The following ITGA11 variants were observed in gnomAD, a reference collection of about 807,000 sequenced individuals.
ITGA11 encodes the protein integrin alpha-11.
ITGA11 carries 97 observed loss-of-function variants against 141.9 expected under a neutral mutation model. The ratio of observed to expected loss-of-function variants is 0.68; its 90% CI spans 0.58 to 0.81. The LOEUF is 0.81. Ranked by LOEUF, ITGA11 falls within the 30% of genes least tolerant of loss-of-function variation. ITGA11 has a pLI of 0.00. For missense variants in ITGA11, 1,387 were observed against 1,559.2 expected, an observed-to-expected ratio of 0.89 and a Z score of 1.86; for synonymous variants, 658 against 624.6, an observed-to-expected ratio of 1.05 and a Z score of -0.80.
Position 68,335,324 on chromosome 15 carries a change from G to A in ITGA11, c.1425+373C>T, listed in dbSNP as rs1894313070. On this transcript the variant is annotated intron_variant, in intron 12 of 29. Coordinates refer to ENST00000315757, the MANE Select transcript of ITGA11 (RefSeq NM_001004439.2). The surrounding 1 kb of genome is among the most constrained non-coding windows in gnomAD (Gnocchi z 4.9). The stretch of plus-strand genomic sequence containing the variant: ...CCTGTGCTGGAAGTGACTTGGGATT[G>A]GAGCCCTGTTTTCACCACCAATGAC... Among the ~76,000 whole-genome samples, 2 of 152,198 alleles carry A rather than the reference G, an allele frequency of 1.3e-5. No individual in the cohort carries two copies. Among genetic ancestry groups the A allele is most frequent in the African/African-American group, 4.8e-5 (2 of 41,444 alleles).
At chr15:68,364,526 A>G (rs2306013) in intron 4 of ITGA11, among the ~76,000 whole-genome samples, 181 bp downstream of exon 4, 141,051 of 152,302 alleles carry the variant, frequency 0.93, 65,778 homozygotes, top group East Asian at 0.98. Flanking sequence ...CCGGAATGGC[A>G]TAAGCAGGGA....
intron 3 of ITGA11, among the ~76,000 whole-genome samples, chr15:68,366,374 T>C (rs1160977031): frequency 6.6e-6 from 1 of 151,936 alleles, no homozygotes; most frequent in Non-Finnish European, 1.5e-5. Flanking sequence ...AAGAGCAAGA[T>C]CTTTAGCCCA....
chr15:68,363,459 C>G (rs1466022252), intron 4 of ITGA11, among the ~76,000 whole-genome samples: 1 of 152,182 alleles, frequency 6.6e-6, no homozygotes, highest in African/African-American at 2.4e-5. Flanking sequence ...GAATATACAT[C>G]AAGGCACCTC....
At chr15:68,355,963 A>C (rs1037056132) in intron 7 of ITGA11, among the ~76,000 whole-genome samples, 2 of 152,210 alleles carry the variant, frequency 1.3e-5, no homozygotes, top group Admixed American at 6.5e-5. Context: ...TTGCCTTTAA[A>C]ACTGGCTAAT....
rs994703039 is a variant in ITGA11, at chr15:68,307,867, G to A, written c.3175-171C>T. ...GCATTGCGTCTGCCAGGGGATGACT[G>A]AAGGACAAATGAAGGATGGTATATC... On this transcript the variant is annotated intron_variant, in intron 26 of 29. Transcript: ENST00000315757. The surrounding 1 kb of genome is among the most constrained non-coding windows in gnomAD (Gnocchi z 6.1). Among the ~76,000 whole-genome samples the A allele has an allele frequency of 1.3e-4, 20 of 152,196 alleles. No homozygotes were observed. Among genetic ancestry groups the A allele is most frequent in the African/African-American group, 4.6e-4 (19 of 41,440 alleles).
chr15:68,412,241 G>T (rs567554592), intron 1 of ITGA11, among the ~76,000 whole-genome samples: 1 of 152,248 alleles, frequency 6.6e-6, no homozygotes, highest in East Asian at 1.9e-4. Flanking sequence ...AGGAGCTGGG[G>T]ATCTCTGGGG....
chr15:68,358,563 G>C lies in ITGA11; in HGVS notation c.495C>G (p.Ile165Met), dbSNP rs770568289. 3 of 1,613,618 alleles carry C rather than the reference G, an allele frequency of 1.9e-6. No homozygotes were observed. The Admixed American group carries it at 5.0e-5, about 27-fold the overall frequency. ...TGTTGGAGCCATCCAGGACAATGAC[G>C]ATGTCCATGTAGGTCTGGCACCCTG... Reference protein sequence around the residue: ...ALQRCQTYMDIVIVLDGSNSI... With the variant: ...ALQRCQTYMDMVIVLDGSNSI... Residue 165 changes from isoleucine to methionine, a missense_variant, in exon 6 of 30, where the codon ATC (isoleucine) becomes ATG (methionine). Transcript: ENST00000315757.
At chr15:68,373,786 G>C (rs529487764) in intron 2 of ITGA11, among the ~76,000 whole-genome samples, 1 of 152,298 alleles carries the variant, frequency 6.6e-6, no homozygotes, top group Non-Finnish European at 1.5e-5. Flanking sequence ...GCCTGGAACT[G>C]TTGGCAGCCA....
At chr15:68,359,773 T>C (rs1483867226) in intron 5 of ITGA11, among the ~76,000 whole-genome samples, 1 of 152,208 alleles carries the variant, frequency 6.6e-6, no homozygotes, top group Non-Finnish European at 1.5e-5. Flanking sequence ...TCTTTTAAAA[T>C]CTAAGTAATT....
chr15:68,378,381 A>C (rs944262296), intron 2 of ITGA11, among the ~76,000 whole-genome samples: 1 of 152,216 alleles, frequency 6.6e-6, no homozygotes, highest in Non-Finnish European at 1.5e-5. Context: ...ATGGTGGCAC[A>C]TGTCTATAAT....
At chr15:68,419,435 A>T (rs1448787644) in intron 1 of ITGA11, among the ~76,000 whole-genome samples, 2 of 152,148 alleles carry the variant, frequency 1.3e-5, no homozygotes, top group East Asian at 3.9e-4. Context: ...AGGCTCTGTT[A>T]AGGGCCCTCC....
At chr15:68,388,121 T>G (rs929327242) in intron 2 of ITGA11, among the ~76,000 whole-genome samples, 5 of 152,276 alleles carry the variant, frequency 3.3e-5, no homozygotes, top group African/African-American at 1.2e-4. Flanking sequence ...GGATTTTGCT[T>G]TTGTGTAAAG....
At chr15:68,413,561 A>G (rs1051959520) in intron 1 of ITGA11, among the ~76,000 whole-genome samples, 3 of 152,180 alleles carry the variant, frequency 2.0e-5, no homozygotes, top group African/African-American at 7.2e-5. Flanking sequence ...GGGTGATCTG[A>G]GTTCTAATCT....
At position 68,339,301 on chromosome 15, in the gene ITGA11, G is replaced by A. The variant is rs141581743; in HGVS notation, c.1276+199C>T. Reference sequence around the variant, plus strand: ...CCTATTTATGGAGAGCCTGTTATACGCTGGGCATGGTGCTGGGCGCGGTGG... The same window carrying A: ...CCTATTTATGGAGAGCCTGTTATACACTGGGCATGGTGCTGGGCGCGGTGG... On this transcript the variant is annotated intron_variant, in intron 11 of 29. Coordinates refer to ENST00000315757, the MANE Select transcript of ITGA11 (RefSeq NM_001004439.2). Among the ~76,000 whole-genome samples the A allele has an allele frequency of 5.4e-3, 828 of 152,078 alleles. 3 individuals carry two copies. Among genetic ancestry groups the A allele is most frequent in the Non-Finnish European group, 9.0e-3 (612 of 68,034 alleles).
intron 1 of ITGA11, among the ~76,000 whole-genome samples, chr15:68,419,320 G>A (rs905692224): frequency 6.6e-6 from 1 of 152,194 alleles, no homozygotes; most frequent in Non-Finnish European, 1.5e-5. Flanking sequence ...AAGGGCTCAT[G>A]ACTCCATCTG....
intron 10 of ITGA11, among the ~76,000 whole-genome samples, chr15:68,342,454 G>A (rs566786851): frequency 2.9e-4 from 44 of 152,320 alleles, no homozygotes; most frequent in Middle Eastern, 3.4e-3. Context: ...CTGAGGCCAC[G>A]CTGTGCCTTC....
intron 1 of ITGA11, among the ~76,000 whole-genome samples, chr15:68,413,067 T>C (rs140678126): frequency 7.2e-5 from 11 of 152,312 alleles, no homozygotes; most frequent in African/African-American, 2.4e-4. Context: ...AATCTCACAT[T>C]TTTTGAACAA....
chr15:68,393,434 T>G (rs968477913), intron 2 of ITGA11, among the ~76,000 whole-genome samples: 1 of 152,078 alleles, frequency 6.6e-6, no homozygotes, highest in African/African-American at 2.4e-5. Context: ...TACATCATAG[T>G]CAAACTGCTG....
intron 2 of ITGA11, among the ~76,000 whole-genome samples, chr15:68,391,714 A>G (rs985658167): frequency 1.3e-5 from 2 of 152,232 alleles, no homozygotes; most frequent in African/African-American, 4.8e-5. Context: ...GATGCATGTA[A>G]TTAATACCAG....
Sources: gnomAD v4.1 joint callset for allele counts (sites outside exome capture counted in the v4.1 genomes callset) on GRCh38, gnomAD v4.1.1 for gene constraint, Gnocchi (gnomAD v3.1) non-coding constraint, MANE v1.5 for transcripts, NCBI Gene and HGNC (gene_info 2026-07-23, HGNC 2026-07-21) for gene names.